ITIH3: variants seen among roughly 807,000 people sequenced by gnomAD.
ITIH3 encodes the protein inter-alpha-trypsin inhibitor heavy chain 3, also known as inter-alpha-trypsin inhibitor heavy chain H3.
ITIH3 carries 81 observed loss-of-function variants against 96.5 expected under a neutral mutation model. The observed-to-expected ratio is 0.84, with a 90% confidence interval of 0.70 to 1.01. The LOEUF is 1.01. Among genes scored for constraint, ITIH3 ranks in the 50% least tolerant of loss-of-function variants. ITIH3 has a pLI of 0.00. For missense variants in ITIH3, 1,057 were observed against 1,139.3 expected (o/e 0.93, Z 1.04); for synonymous variants, 422 against 445.2 (o/e 0.95, Z 0.66).
At chr3:52,807,607 A>T in intron 19 of ITIH3, 140 bp from the exon 20 acceptor site, 1 of 721,454 alleles carries the variant, frequency 1.4e-6, no homozygotes, top group South Asian at 1.9e-5. Context: ...TCCTCTTTCC[A>T]ACGCCCCTGA....
At chr3:52,800,355 GTTGT>G (rs1007067863) in intron 9 of ITIH3, 179 bp from the exon 10 acceptor site, 135 of 655,752 alleles carry the variant, frequency 2.1e-4, no homozygotes, top group East Asian at 1.7e-3. Context: ...GAAAGTGGAA[GTTGT>G]TTGTTTGTTT....
At chr3:52,807,544 T>C (rs1195122056) in intron 19 of ITIH3, among the ~76,000 whole-genome samples, 1 of 152,194 alleles carries the variant, frequency 6.6e-6, no homozygotes, top group Admixed American at 6.5e-5. Context: ...TCTTTCCCAC[T>C]TATAGACACT....
chr3:52,803,770 C>T, intron 13 of ITIH3, 85 bp from the exon 14 acceptor site: 1 of 1,480,824 alleles, frequency 6.8e-7, no homozygotes, highest in Non-Finnish European at 9.2e-7. Context: ...GTGGGGATCC[C>T]CAGCTGTGTC....
At chr3:52,805,063 C>T (rs574133694) in intron 15 of ITIH3, 61 of 291,588 alleles carry the variant, frequency 2.1e-4, no homozygotes, top group African/African-American at 1.2e-3. Context: ...TTTTATGATC[C>T]CCATTTTACA....
intron 10 of ITIH3, 54 bp downstream of exon 10, chr3:52,800,717 C>G: frequency 1.3e-6 from 2 of 1,578,886 alleles, no homozygotes; most frequent in South Asian, 1.2e-5. Context: ...GGCTGCTGCT[C>G]CTGGCTCTGT....
intron 11 of ITIH3, 41 bp downstream of exon 11, chr3:52,801,187 C>T: frequency 6.8e-7 from 1 of 1,478,860 alleles, no homozygotes; most frequent in Non-Finnish European, 9.0e-7. Flanking sequence ...AAGGAGCTCA[C>T]TACTTCCTCA....
chr3:52,808,739 TG>T lies in ITIH3; in HGVS notation c.*61del. The T allele has an allele frequency of 1.3e-6, 2 of 1,583,700 alleles. No homozygotes were observed. The highest frequency in any genetic ancestry group is 1.7e-6 in the Non-Finnish European group (2 of 1,155,170). On this transcript the variant is annotated 3_prime_UTR_variant, in exon 22 of 22. Transcript: ENST00000449956. ...CCCGGATTTTATGGCATCTGGAACATGGGCACAGAGAGGGGCCTGTGGGAGG... is the reference window on the plus strand; with the variant it reads ...CCCGGATTTTATGGCATCTGGAACATGGCACAGAGAGGGGCCTGTGGGAGG...
intron 10 of ITIH3, 26 bp downstream of exon 10, chr3:52,800,689 G>A (rs1349994061): frequency 6.3e-7 from 1 of 1,595,604 alleles, no homozygotes; most frequent in Admixed American, 1.8e-5. Context: ...ATGGTTTTGA[G>A]CTAGGGCTGG....
chr3:52,797,983 CCAG>C, intron 6 of ITIH3, 53 bp downstream of exon 6: 1 of 1,106,978 alleles, frequency 9.0e-7, no homozygotes, highest in South Asian at 1.4e-5. Flanking sequence ...AATACTGACT[CCAG>C]CAGAACAAGC....
Position 52,797,867 on chromosome 3 carries a change from G to A in ITIH3, c.600G>A (p.Glu200=), listed in dbSNP as rs772172934. The part of the protein sequence containing the change: ...EPQGISMLDA[E]ASFITNDLLG... The stretch of plus-strand genomic sequence containing the variant: ...AGGGAATCAGCATGCTGGATGCTGA[G>A]GCCTCTTTCATCACCAACGACCTCC... Residue 200 remains glutamate (E), a synonymous_variant, in exon 6 of 22, where the codon GAG becomes GAA. Coordinates refer to ENST00000449956, the MANE Select transcript of ITIH3 (RefSeq NM_002217.4). 45 of 1,610,292 alleles carry A rather than the reference G, an allele frequency of 2.8e-5. No individual in the cohort carries two copies. Among genetic ancestry groups the A allele is most frequent in the Admixed American group, 3.4e-5 (2 of 59,666 alleles).
chr3:52,797,329 G>A, intron 5 of ITIH3, 62 bp downstream of exon 5: 1 of 1,522,074 alleles, frequency 6.6e-7, no homozygotes. Context: ...CCGCCCATGG[G>A]GCAGTCTCAG....
intron 11 of ITIH3, among the ~76,000 whole-genome samples, chr3:52,801,852 G>A (rs1699842216): frequency 6.6e-6 from 1 of 152,168 alleles, no homozygotes; most frequent in African/African-American, 2.4e-5. Flanking sequence ...GTAGCTGCAC[G>A]TCCTGTCTTT....
chr3:52,800,562 T>C lies in ITIH3; in HGVS notation c.1100T>C (p.Leu367Pro). ...KGMTNINDGL[L>P]RGISMLNKAR... The stretch of plus-strand genomic sequence containing the variant: ...GTGACCAACATCAATGACGGGCTGC[T>C]GAGGGGCATCAGTATGCTGAACAAG... The change falls in exon 10 of 22, where the codon CTG (leucine) becomes CCG (proline). Residue 367 changes from leucine (L) to proline (P), a missense_variant. By Grantham distance (98) the Leu-to-Pro change is moderately conservative (BLOSUM62 -3). Transcript: ENST00000449956. 6.4e-7 allele frequency: 1 copy of C among 1,558,628 alleles called. No homozygotes were observed. Among genetic ancestry groups the C allele is most frequent in the Non-Finnish European group, 8.7e-7 (1 of 1,150,868 alleles).
rs757316590 is a variant in ITIH3 at position 52,808,192 on chromosome 3, G to T, written c.2514G>T (p.Val838=). 1 of 1,614,148 alleles carries T rather than the reference G, an allele frequency of 6.2e-7. No homozygotes were observed. Among genetic ancestry groups the T allele is most frequent in the South Asian group, 1.1e-5 (1 of 91,082 alleles). Residue 838 remains valine, a synonymous_variant, in exon 21 of 22, where the codon GTG becomes GTT. Coordinates refer to ENST00000449956, the MANE Select transcript of ITIH3 (RefSeq NM_002217.4). The part of the protein sequence containing the change: ...SDPTKPDATL[V]VKNHQLIVTR... ...CCACAAAGCCAGATGCCACATTGGT[G>T]GTGAAGAACCATCAGCTGATTGTCA...
Position 52,797,937 on chromosome 3 carries a change from T to C in ITIH3, c.663+7T>C, listed in dbSNP as rs768992367. The C allele has an allele frequency of 5.9e-6, 9 of 1,532,968 alleles. No individual in the cohort carries two copies. The Admixed American group carries it at 1.6e-4, about 28-fold the overall frequency. 95.0% of individuals were successfully genotyped at this position (1,532,968 alleles called of 1,614,324 possible). On this transcript the variant is annotated splice_region_variant and intron_variant, in intron 6 of 21. Coordinates refer to ENST00000449956, the MANE Select transcript of ITIH3 (RefSeq NM_002217.4). Reference sequence around the variant, plus strand: ...GTCCTTCTCAGGGAAAAAGGTGATGTAGATGCCTCTCAGACCTGGTGGGGC... The same window carrying C: ...GTCCTTCTCAGGGAAAAAGGTGATGCAGATGCCTCTCAGACCTGGTGGGGC...
intron 15 of ITIH3, 123 bp downstream of exon 15, chr3:52,804,857 A>T: frequency 2.8e-6 from 3 of 1,089,296 alleles, no homozygotes; most frequent in South Asian, 1.4e-5. Context: ...ACCTGGGCTC[A>T]GGCCCAGCCC....
chr3:52,803,025 G>A (rs9311481), intron 13 of ITIH3, among the ~76,000 whole-genome samples: 10,573 of 152,258 alleles, frequency 0.069, 1,125 homozygotes, highest in African/African-American at 0.21. Flanking sequence ...GGAGTGCCCC[G>A]GGGTAGGGGG....
At chr3:52,800,852 T>C in intron 10 of ITIH3, 113 bp from the exon 11 acceptor site, 3 of 1,501,982 alleles carry the variant, frequency 2.0e-6, no homozygotes, top group Middle Eastern at 2.1e-4. Context: ...CAAGGGCTCA[T>C]GGTCGTGACT....
chr3:52,803,454 A>G (rs1465348827), intron 13 of ITIH3, among the ~76,000 whole-genome samples: 11 of 150,430 alleles, frequency 7.3e-5, no homozygotes, highest in African/African-American at 2.7e-4. Context: ...AAGTAGCTGG[A>G]ATTACAGGCA....
Sources: gnomAD v4.1 joint callset for allele counts (sites outside exome capture counted in the v4.1 genomes callset) on GRCh38, gnomAD v4.1.1 for gene constraint, MANE v1.5 for transcripts, NCBI Gene and HGNC (gene_info 2026-07-23, HGNC 2026-07-21) for gene names.